Variants in NR2C2 observed in about 807,000 individuals in gnomAD.
NR2C2 encodes nuclear receptor subfamily 2 group C member 2.
In NR2C2, 6 loss-of-function variants were observed where a neutral mutation model predicts 62.9. The observed-to-expected ratio is 0.10, with a 90% confidence interval of 0.05 to 0.19. NR2C2 has a LOEUF of 0.19. Among genes scored for constraint, NR2C2 ranks in the 10% least tolerant of loss-of-function variants. NR2C2 has a pLI of 1.00. For synonymous variants in NR2C2, 272 were observed against 273.8 expected, an observed-to-expected ratio of 0.99 and a Z score of 0.07; for missense variants, 479 against 762.7, an observed-to-expected ratio of 0.63 and a Z score of 4.38.
chr3:15,021,619 G>T (rs1188889779), intron 5 of NR2C2, among the ~76,000 whole-genome samples: 1 of 152,176 alleles, frequency 6.6e-6, no homozygotes. Flanking sequence ...AAGGAGAGTG[G>T]AGTTAGGCTT....
chr3:14,983,874 GTATTTTTTTATTATTA>G (rs1370365073), intron 1 of NR2C2, among the ~76,000 whole-genome samples: 1 of 151,688 alleles, frequency 6.6e-6, no homozygotes, highest in Non-Finnish European at 1.5e-5. Flanking sequence ...TCCTTGTTTT[GTATTTTTTTATTATTA>G]TATTTTTTTA....
At chr3:15,032,346 C>T (rs747414484) in intron 9 of NR2C2, 33 bp from the exon 10 acceptor site, 3 of 1,614,108 alleles carry the variant, frequency 1.9e-6, no homozygotes, top group Admixed American at 3.3e-5. Context: ...GTCCTTCCTT[C>T]ACCTCCTGTG....
At chr3:15,004,499 A>G in intron 2 of NR2C2, 3 of 1,457,020 alleles carry the variant, frequency 2.1e-6, no homozygotes, top group Admixed American at 2.0e-5. Context: ...ATAATAACTT[A>G]TTACTAATAT....
At chr3:15,005,746 C>T (rs981514697) in intron 2 of NR2C2, among the ~76,000 whole-genome samples, 3 of 151,974 alleles carry the variant, frequency 2.0e-5, no homozygotes, top group Admixed American at 6.6e-5. Flanking sequence ...AAATGGGTCT[C>T]CTGTAGGCAA....
In NR2C2 at chr3:15,024,171, G is replaced by T; in HGVS notation, c.761G>T (p.Arg254Leu). 1 of 1,612,620 alleles carries T rather than the reference G, an allele frequency of 6.2e-7. No individual in the cohort carries two copies. Among genetic ancestry groups the T allele is most frequent in the Non-Finnish European group, 8.5e-7 (1 of 1,179,330 alleles). The change falls in exon 7 of 14, where the codon CGT becomes CTT. Residue 254 changes from arginine (R) to leucine (L), a missense_variant. By Grantham distance (102) the Arg-to-Leu change is moderately radical. Transcript: ENST00000425241. Reference protein sequence around the residue: ...MLVNIQQPLIREDGTVLLATD... With the variant: ...MLVNIQQPLILEDGTVLLATD... ...GTGAACATCCAGCAGCCTTTGATAC[G>T]TGAGGATGGTACAGTTCTCCTGGCC...
At chr3:15,015,730 G>T (rs1357353268) in intron 3 of NR2C2, among the ~76,000 whole-genome samples, 2 of 152,156 alleles carry the variant, frequency 1.3e-5, no homozygotes, top group Non-Finnish European at 2.9e-5. Flanking sequence ...TGCCAGTTCT[G>T]TCCAGAGTTC....
chr3:15,048,403 AATT>A lies in NR2C2; in HGVS notation c.*5397_*5399del, dbSNP rs2042531291. On this transcript the variant is annotated 3_prime_UTR_variant, in exon 14 of 14. Coordinates refer to ENST00000425241, the MANE Select transcript of NR2C2 (RefSeq NM_001291694.2). ...TTTAGCTTAACAGCAGTCTACAAAT[AATT>A]AAAGTGTGAGCTTAAGAAAAGTATC... 6.6e-6 allele frequency: 1 copy of A among 152,662 alleles called. No individual in the cohort carries two copies. The highest frequency in any genetic ancestry group is 1.5e-5 in the Non-Finnish European group (1 of 68,048). The allele number at this position is 152,662 out of a possible 1,614,324, so 9.5% of individuals were successfully genotyped here.
intron 3 of NR2C2, among the ~76,000 whole-genome samples, chr3:15,015,827 G>A (rs1484798342): frequency 1.3e-5 from 2 of 151,976 alleles, no homozygotes; most frequent in African/African-American, 4.8e-5. Context: ...TTTGAGATGG[G>A]GTCTCACTCT....
intron 13 of NR2C2, chr3:15,042,327 C>T (rs890104135): frequency 2.6e-5 from 4 of 152,264 alleles, no homozygotes; most frequent in African/African-American, 9.7e-5. Context: ...AAAAAATCAC[C>T]TCAAATCCCA....
intron 1 of NR2C2, among the ~76,000 whole-genome samples, chr3:14,961,880 C>T (rs564921771): frequency 2.6e-5 from 4 of 152,306 alleles, no homozygotes; most frequent in South Asian, 4.1e-4. Flanking sequence ...GCAGTCTCTT[C>T]GCTTCTTGCT....
intron 1 of NR2C2, among the ~76,000 whole-genome samples, chr3:14,991,459 T>C (rs1199508985): frequency 2.0e-5 from 3 of 152,228 alleles, no homozygotes; most frequent in Non-Finnish European, 4.4e-5. Context: ...GTGGTACATT[T>C]CAGTTCAAGC....
rs771068591 is a variant in NR2C2 at position 15,042,957 on chromosome 3, C to G, written c.1740C>G (p.Leu580=). 6.2e-7 allele frequency: 1 copy of G among 1,614,210 alleles called. No individual in the cohort carries two copies. The highest frequency in any genetic ancestry group is 8.5e-7 in the Non-Finnish European group (1 of 1,180,042). Residue 580 remains leucine (L), a synonymous_variant, in exon 14 of 14, where the codon CTC becomes CTG. Transcript: ENST00000425241. ...VSIDSIIPYI[L]KMETAEYNGQ... Reference sequence around the variant, plus strand: ...TAGACAGCATAATCCCCTACATCCTCAAGATGGAGACAGCAGAGTATAATG... The same window carrying G: ...TAGACAGCATAATCCCCTACATCCTGAAGATGGAGACAGCAGAGTATAATG...
At chr3:15,042,776 G>C in intron 13 of NR2C2, 58 bp from the exon 14 acceptor site, 2 of 1,537,336 alleles carry the variant, frequency 1.3e-6, no homozygotes, top group Non-Finnish European at 8.9e-7. Context: ...AGCCTTTGCT[G>C]AGCTGTGGTT....
chr3:15,041,706 A>G (rs907318519), intron 13 of NR2C2, among the ~76,000 whole-genome samples: 2 of 152,002 alleles, frequency 1.3e-5, no homozygotes, highest in African/African-American at 2.4e-5. Context: ...AAAAATGAAA[A>G]ATTAGTCAGG....
chr3:15,032,282 C>T lies in NR2C2; in HGVS notation c.1111-97C>T, dbSNP rs1350788588. 4.6e-6 allele frequency: 7 copies of T among 1,530,614 alleles called. No homozygotes were observed. In the Admixed American group the frequency reaches 1.2e-4, roughly 26 times the overall value. 94.8% of individuals were successfully genotyped at this position (1,530,614 alleles called of 1,614,324 possible). On this transcript the variant is annotated intron_variant, in intron 9 of 13. Coordinates refer to ENST00000425241, the MANE Select transcript of NR2C2 (RefSeq NM_001291694.2). ...CAGAATCAGACAGCAACTCTAGATG[C>T]CACTGCTATTGAAGCATGACAGGGA...
intron 1 of NR2C2, among the ~76,000 whole-genome samples, chr3:14,992,994 A>C (rs1273813556): frequency 6.6e-6 from 1 of 152,246 alleles, no homozygotes; most frequent in Non-Finnish European, 1.5e-5. Flanking sequence ...GAAAGGGTAG[A>C]AAATAGGATA....
chr3:14,950,777 G>A (rs1381954274), intron 1 of NR2C2, among the ~76,000 whole-genome samples: 1 of 152,136 alleles, frequency 6.6e-6, no homozygotes, highest in African/African-American at 2.4e-5. Flanking sequence ...AGAGTGCCTG[G>A]CACTATTTGT....
rs2042392261 is a variant in NR2C2 at position 15,044,760 on chromosome 3, C to T, written c.*1752C>T. Reference sequence around the variant, plus strand: ...CACAGGGGTGCAGTCTGGCCAGCTACAGACGCCCCTGTGGTGCCACATTGG... The same window carrying T: ...CACAGGGGTGCAGTCTGGCCAGCTATAGACGCCCCTGTGGTGCCACATTGG... On this transcript the variant is annotated 3_prime_UTR_variant, in exon 14 of 14. Coordinates refer to ENST00000425241, the MANE Select transcript of NR2C2 (RefSeq NM_001291694.2). The T allele has an allele frequency of 6.6e-6, 1 of 152,266 alleles. No individual in the cohort carries two copies. The highest frequency in any genetic ancestry group is 2.1e-4 in the South Asian group (1 of 4,834). The allele number at this position is 152,266 out of a possible 1,614,324, so 9.4% of individuals were successfully genotyped here.
At chr3:14,976,897 A>G (rs57795362) in intron 1 of NR2C2, among the ~76,000 whole-genome samples, 5,476 of 151,542 alleles carry the variant, frequency 0.036, 352 homozygotes, top group African/African-American at 0.12. Flanking sequence ...CTCCCTCCCA[A>G]TCTGGTTGTT....
Sources: allele counts gnomAD v4.1 joint callset (sites outside exome capture counted in the v4.1 genomes callset), GRCh38; gene constraint gnomAD v4.1.1; transcripts MANE v1.5; gene names NCBI Gene and HGNC (gene_info 2026-07-23, HGNC 2026-07-21).